PTPRD: variants seen among roughly 807,000 people sequenced by gnomAD.
PTPRD encodes the protein protein tyrosine phosphatase receptor type D.
In PTPRD, 34 loss-of-function variants were observed where a neutral mutation model predicts 214.5. The ratio of observed to expected loss-of-function variants is 0.16; its 90% confidence interval spans 0.12 to 0.21. The LOEUF (loss-of-function observed/expected upper bound fraction) is 0.21, where lower values mean the gene tolerates loss of function less well. Ranked by LOEUF, PTPRD falls within the 10% of genes least tolerant of loss-of-function variation. The pLI, the probability that PTPRD is intolerant of heterozygous loss-of-function variation, is 1.00. For missense variants in PTPRD, 2,545 were observed against 2,398.7 expected, an observed-to-expected ratio of 1.06 and a Z score of -1.27; for synonymous variants, 1,128 against 845.7, an observed-to-expected ratio of 1.33 and a Z score of -5.79.
chr9:10,612,039 G>C (rs2081137235), intron 2 of PTPRD, among the ~76,000 whole-genome samples: 1 of 151,566 alleles, frequency 6.6e-6, no homozygotes, highest in African/African-American at 2.4e-5. Context: ...TGAGCCAGTA[G>C]GGTTAGATTT....
intron 2 of PTPRD, among the ~76,000 whole-genome samples, chr9:10,361,971 GA>G (rs1426831052): frequency 6.6e-6 from 1 of 152,122 alleles, no homozygotes; most frequent in Non-Finnish European, 1.5e-5. Flanking sequence ...AAAAATGAAG[GA>G]AATGTATCAT....
chr9:8,515,677 G>C (rs544441460), intron 21 of PTPRD, among the ~76,000 whole-genome samples: 1 of 152,168 alleles, frequency 6.6e-6, no homozygotes, highest in Non-Finnish European at 1.5e-5. Context: ...TCATGGTACA[G>C]CAAAGATTGC....
At chr9:9,573,620 AT>A (rs1326051915) in intron 8 of PTPRD, among the ~76,000 whole-genome samples, 9 of 151,758 alleles carry the variant, frequency 5.9e-5, no homozygotes, top group Non-Finnish European at 1.3e-4. Context: ...ATTCAGGTAT[AT>A]TTGTGAAATA....
intron 5 of PTPRD, among the ~76,000 whole-genome samples, chr9:9,818,578 G>C (rs1407828383): frequency 1.3e-5 from 2 of 152,068 alleles, no homozygotes; most frequent in Non-Finnish European, 2.9e-5. Context: ...ACTACATTGT[G>C]ATTGTGATTG....
intron 2 of PTPRD, among the ~76,000 whole-genome samples, chr9:10,455,649 G>C (rs2098907981): frequency 1.3e-5 from 2 of 151,496 alleles, no homozygotes; most frequent in Admixed American, 1.3e-4. Flanking sequence ...ATATAATTTG[G>C]ATAGAAACTT....
chr9:8,848,962 CTCAG>C (rs2097760805), intron 11 of PTPRD, among the ~76,000 whole-genome samples: 1 of 125,622 alleles, frequency 8.0e-6, no homozygotes, highest in Non-Finnish European at 1.8e-5. Context: ...ATAATAAATG[CTCAG>C]TAAGTTTTAG....
At chr9:8,384,275 G>A (rs1055539947) in intron 37 of PTPRD, among the ~76,000 whole-genome samples, 5 of 151,854 alleles carry the variant, frequency 3.3e-5, no homozygotes, top group Admixed American at 1.3e-4. Flanking sequence ...AGACCAATTC[G>A]TGTGCTTATT....
At chr9:9,486,817 C>T (rs1254264262) in intron 8 of PTPRD, among the ~76,000 whole-genome samples, 4 of 152,112 alleles carry the variant, frequency 2.6e-5, no homozygotes. Flanking sequence ...TAACATCATA[C>T]ATTATAATTA....
intron 12 of PTPRD, among the ~76,000 whole-genome samples, chr9:8,664,038 A>C (rs1201279750): frequency 6.6e-6 from 1 of 152,110 alleles, no homozygotes; most frequent in Non-Finnish European, 1.5e-5. Context: ...TCTTTTCATT[A>C]TCTCTACCAT....
chr9:8,336,581 C>A (rs1324503361), intron 43 of PTPRD, among the ~76,000 whole-genome samples: 1 of 107,038 alleles, frequency 9.3e-6, no homozygotes. Context: ...CAACTAAAGC[C>A]AAAAGTGACA....
intron 12 of PTPRD, among the ~76,000 whole-genome samples, chr9:8,650,060 G>A (rs1460625268): frequency 1.3e-5 from 2 of 152,052 alleles, no homozygotes; most frequent in Non-Finnish European, 2.9e-5. Context: ...GAGGACTATG[G>A]GCACATGCCA....
intron 5 of PTPRD, among the ~76,000 whole-genome samples, chr9:9,865,245 T>C (rs1322324138): frequency 6.6e-6 from 1 of 152,198 alleles, no homozygotes; most frequent in Admixed American, 6.5e-5. Context: ...TGTTTAAACG[T>C]CCCTTCCAAA....
chr9:8,944,066 A>G (rs1035703067), intron 11 of PTPRD, among the ~76,000 whole-genome samples: 1 of 152,064 alleles, frequency 6.6e-6, no homozygotes, highest in Non-Finnish European at 1.5e-5. Flanking sequence ...AAAAAAATCT[A>G]GTAATCTGAT....
At chr9:8,796,324 T>C (rs2096420369) in intron 11 of PTPRD, among the ~76,000 whole-genome samples, 1 of 152,156 alleles carries the variant, frequency 6.6e-6, no homozygotes, top group Non-Finnish European at 1.5e-5. Flanking sequence ...CTGAACAGTA[T>C]TCTATAATAG....
intron 3 of PTPRD, among the ~76,000 whole-genome samples, chr9:10,256,854 C>A (rs1010666627): frequency 6.6e-6 from 1 of 152,148 alleles, no homozygotes; most frequent in Non-Finnish European, 1.5e-5. Context: ...CCTATCCCAC[C>A]CACTTCTTAT....
chr9:9,276,419 G>A (rs1005177644), intron 9 of PTPRD, among the ~76,000 whole-genome samples: 4 of 151,454 alleles, frequency 2.6e-5, no homozygotes, highest in Admixed American at 2.6e-4. Flanking sequence ...AAGGTCAACA[G>A]GAACTGTTTT....
At chr9:10,240,850 T>A (rs2090882293) in intron 3 of PTPRD, among the ~76,000 whole-genome samples, 1 of 151,786 alleles carries the variant, frequency 6.6e-6, no homozygotes, top group Non-Finnish European at 1.5e-5. Context: ...TAAATTAGAA[T>A]CCATCAAAAT....
chr9:9,450,593 G>T (rs1454003927), intron 8 of PTPRD, among the ~76,000 whole-genome samples: 2 of 151,800 alleles, frequency 1.3e-5, no homozygotes, highest in Non-Finnish European at 2.9e-5. Flanking sequence ...TCTTATCATA[G>T]ATATGAATAT....
chr9:8,804,369 A>C (rs1186913737), intron 11 of PTPRD, among the ~76,000 whole-genome samples: 2 of 152,016 alleles, frequency 1.3e-5, no homozygotes, highest in Non-Finnish European at 2.9e-5. Flanking sequence ...AACCGAGAGC[A>C]GGAGGATCAC....
Sources: gnomAD v4.1 joint callset for allele counts (sites outside exome capture counted in the v4.1 genomes callset) on GRCh38, gnomAD v4.1.1 for gene constraint, MANE v1.5 for transcripts, NCBI Gene and HGNC (gene_info 2026-07-23, HGNC 2026-07-21) for gene names.